PIK3R5: variants seen among roughly 807,000 people sequenced by gnomAD.
PIK3R5 encodes the protein phosphoinositide-3-kinase regulatory subunit 5.
A neutral mutation model predicts 94.9 loss-of-function variants in PIK3R5; 32 were observed. That is an observed-to-expected ratio of 0.34 (90% CI 0.25 to 0.45). The LOEUF is 0.45. Among genes scored for constraint, PIK3R5 ranks in the 20% least tolerant of loss-of-function variants. The probability of loss-of-function intolerance (pLI) is 1.00; values close to 1 mark genes in which losing one functional copy is unlikely to be tolerated. For missense variants in PIK3R5, 853 were observed against 1,144.6 expected (o/e 0.75, Z 3.68); for synonymous variants, 443 against 479.4 (o/e 0.92, Z 0.99).
At chr17:8,880,811 G>C in intron 18 of PIK3R5, 25 bp from the exon 19 acceptor site, 1 of 1,612,648 alleles carries the variant, frequency 6.2e-7, no homozygotes. Flanking sequence ...AGGGGCCAGG[G>C]ATCAGAGCAG....
Position 8,913,420 on chromosome 17 carries a change from C to T in PIK3R5, c.-13-1913G>A, listed in dbSNP as rs534659100. 1.1e-4 allele frequency among the ~76,000 whole-genome samples: 16 copies of T among 152,304 alleles called. No individual in the cohort carries two copies. In the South Asian group the frequency reaches 1.7e-3, roughly 16 times the overall value. On this transcript the variant is annotated intron_variant, in intron 1 of 18. Transcript: ENST00000447110. ...AGAGCTGAGTTCAGAAAACTTTTCA[C>T]GGGTGGCTGGGTGCGGTGGCTCATG...
At chr17:8,886,087 C>T in intron 14 of PIK3R5, 142 bp downstream of exon 14, 1 of 634,682 alleles carries the variant, frequency 1.6e-6, no homozygotes, top group Non-Finnish European at 2.8e-6. Flanking sequence ...CTCCCGGTAA[C>T]CCCGTCTCCC....
rs139692544 is a variant in PIK3R5, at chr17:8,943,642, G to A, written c.-14+21954C>T. Among the ~76,000 whole-genome samples, 839 of 152,170 alleles carry A rather than the reference G, an allele frequency of 5.5e-3. 17 individuals carry two copies. The highest frequency in any genetic ancestry group is 0.019 in the African/African-American group (779 of 41,508). On this transcript the variant is annotated intron_variant, in intron 1 of 18. Coordinates refer to ENST00000447110, the MANE Select transcript of PIK3R5 (RefSeq NM_001142633.3). ...ACAAAAATTAGCTGGGTGTGGTGGC[G>A]CGCACCTGCAGTCCCAGCTGTTCAG...
chr17:8,919,129 T>C (rs1158447137), intron 1 of PIK3R5, among the ~76,000 whole-genome samples: 1 of 152,204 alleles, frequency 6.6e-6, no homozygotes, highest in Non-Finnish European at 1.5e-5. Context: ...TGAGATCCTG[T>C]ACTGAATTGT....
chr17:8,894,552 C>G (rs995738109), intron 5 of PIK3R5, among the ~76,000 whole-genome samples: 2 of 152,222 alleles, frequency 1.3e-5, no homozygotes, highest in East Asian at 3.9e-4. Context: ...GGCCCTTCCC[C>G]CTCTCTGTCT....
intron 5 of PIK3R5, among the ~76,000 whole-genome samples, chr17:8,901,555 A>G (rs1183267517): frequency 6.6e-6 from 1 of 152,242 alleles, no homozygotes; most frequent in Non-Finnish European, 1.5e-5. Context: ...TCTAGGGTCC[A>G]TAAGTTGTTG....
At chr17:8,903,367 C>G (rs2090331223) in intron 5 of PIK3R5, among the ~76,000 whole-genome samples, 1 of 151,242 alleles carries the variant, frequency 6.6e-6, no homozygotes, top group South Asian at 2.1e-4. Context: ...CCTATAGTAC[C>G]TTCAAAAAAT....
intron 10 of PIK3R5, 116 bp from the exon 11 acceptor site, chr17:8,887,799 C>T (rs1019834892): frequency 1.1e-6 from 1 of 905,484 alleles, no homozygotes; most frequent in South Asian, 1.7e-5. Flanking sequence ...TCAAGACCAG[C>T]CTGGTCAACA....
In PIK3R5 at chr17:8,893,801, A is replaced by G; in HGVS notation, c.413-146T>C. On this transcript the variant is annotated intron_variant, in intron 5 of 18. Coordinates refer to ENST00000447110, the MANE Select transcript of PIK3R5 (RefSeq NM_001142633.3). The surrounding 1 kb of genome is among the most constrained non-coding windows in gnomAD (Gnocchi z 5.1). ...AACCTGCAGAGAAGCTGTTCTGTGG[A>G]CCCTCCAGGGTGCCTAGCAGTTTGC... The G allele has an allele frequency of 1.6e-6, 1 of 637,636 alleles. No individual in the cohort carries two copies. The highest frequency in any genetic ancestry group is 2.9e-6 in the Non-Finnish European group (1 of 350,284). The allele number at this position is 637,636 out of a possible 1,614,324, so 39.5% of individuals were successfully genotyped here.
chr17:8,909,211 T>G lies in PIK3R5; in HGVS notation c.104-37A>C. 2 of 1,318,026 alleles carry G rather than the reference T, an allele frequency of 1.5e-6. No homozygotes were observed. The highest frequency in any genetic ancestry group is 2.5e-5 in the South Asian group (2 of 80,424). 81.6% of individuals were successfully genotyped at this position (1,318,026 alleles called of 1,614,324 possible). A position where few individuals can be genotyped will look rare whatever the true frequency, so the allele number is the denominator to read the frequency against. On this transcript the variant is annotated intron_variant, in intron 2 of 18. Coordinates refer to ENST00000447110, the MANE Select transcript of PIK3R5 (RefSeq NM_001142633.3). The surrounding 1 kb of genome is among the most constrained non-coding windows in gnomAD (Gnocchi z 4.3). ...GAGAGAGGCAAGGGGTCAGTTCTGGTGTCTTCCAGTCACACTCAGGCAGGG... is the reference window on the plus strand; with the variant it reads ...GAGAGAGGCAAGGGGTCAGTTCTGGGGTCTTCCAGTCACACTCAGGCAGGG...
At position 8,890,855 on chromosome 17, in the gene PIK3R5, A is replaced by G. The variant is rs778634714; in HGVS notation, c.540T>C (p.Asn180=). 14 of 1,613,660 alleles carry G rather than the reference A, an allele frequency of 8.7e-6. No homozygotes were observed. The highest frequency in any genetic ancestry group is 1.0e-5 in the Non-Finnish European group (12 of 1,179,924). ...EVQAEFLAVA[N]KLSTPGHSPH... ...GCGAGTGTCCGGGCGTACTCAGCTT[A>G]TTGGCTACAGCAAGGAACTCGGCCT... Residue 180 remains asparagine (N), a synonymous_variant, in exon 7 of 19, where the codon AAT becomes AAC. Transcript: ENST00000447110. The surrounding 1 kb of genome is among the most constrained non-coding windows in gnomAD (Gnocchi z 6.1).
At chr17:8,924,498 C>T (rs2090828502) in intron 1 of PIK3R5, among the ~76,000 whole-genome samples, 1 of 152,164 alleles carries the variant, frequency 6.6e-6, no homozygotes, top group Non-Finnish European at 1.5e-5. Flanking sequence ...CTTCTAGATG[C>T]TTTACTATCA....
In PIK3R5 at chr17:8,948,179, G is replaced by A. The variant is rs141941369; in HGVS notation, c.-14+17417C>T. Among the ~76,000 whole-genome samples the A allele has an allele frequency of 4.9e-4, 74 of 151,986 alleles. 1 individual carries two copies. Among genetic ancestry groups the A allele is most frequent in the Admixed American group, 6.5e-4 (10 of 15,278 alleles). On this transcript the variant is annotated intron_variant, in intron 1 of 18. Coordinates refer to ENST00000447110, the MANE Select transcript of PIK3R5 (RefSeq NM_001142633.3). ...AGGCCAGTAACTCAAGACAGTGGCC[G>A]ACGCATGAGAGAAAGCCGAAATGCG...
chr17:8,906,608 C>A (rs1252072651), intron 3 of PIK3R5, among the ~76,000 whole-genome samples: 1 of 152,064 alleles, frequency 6.6e-6, no homozygotes, highest in Non-Finnish European at 1.5e-5. Flanking sequence ...TTAGTCTGGG[C>A]CCAGTGGCTC....
rs114582813 is a variant in PIK3R5 at position 8,911,742 on chromosome 17, G to A, written c.-13-235C>T. On this transcript the variant is annotated intron_variant, in intron 1 of 18. Transcript: ENST00000447110. The surrounding 1 kb of genome is among the most constrained non-coding windows in gnomAD (Gnocchi z 5.3). ...ACCCCTGCAGCAGAACGGGACAGAG[G>A]TGTGGGAAGTAAGGGGTCAGGAATG... 4.6e-3 allele frequency: 2,023 copies of A among 439,664 alleles called. 37 individuals are homozygous for A. The highest frequency in any genetic ancestry group is 0.037 in the African/African-American group (1,830 of 49,902). 27.2% of individuals were successfully genotyped at this position (439,664 alleles called of 1,614,324 possible).
At chr17:8,906,604 T>A (rs1162092076) in intron 3 of PIK3R5, among the ~76,000 whole-genome samples, 1 of 152,192 alleles carries the variant, frequency 6.6e-6, no homozygotes, top group Non-Finnish European at 1.5e-5. Context: ...ATATTTAGTC[T>A]GGGCCCAGTG....
At chr17:8,963,869 C>T (rs888795282) in intron 1 of PIK3R5, among the ~76,000 whole-genome samples, 8 of 152,182 alleles carry the variant, frequency 5.3e-5, no homozygotes, top group East Asian at 1.9e-4. Context: ...CCCAAGCCTT[C>T]CTGCCCTCAC....
chr17:8,931,515 C>A (rs1373306482), intron 1 of PIK3R5, among the ~76,000 whole-genome samples: 1 of 152,160 alleles, frequency 6.6e-6, no homozygotes. Context: ...CTGGAAGGCA[C>A]TTCCGTTGTT....
chr17:8,894,173 C>T (rs1474990827), intron 5 of PIK3R5, among the ~76,000 whole-genome samples: 1 of 152,198 alleles, frequency 6.6e-6, no homozygotes, highest in African/African-American at 2.4e-5. Context: ...GTCTATGATT[C>T]CCAGGCCCCA....
Sources: allele counts gnomAD v4.1 joint callset (sites outside exome capture counted in the v4.1 genomes callset), GRCh38; gene constraint gnomAD v4.1.1; non-coding constraint Gnocchi (gnomAD v3.1); transcripts MANE v1.5; gene names NCBI Gene and HGNC (gene_info 2026-07-23, HGNC 2026-07-21).